Variants in PHLPP1 observed in about 807,000 individuals in gnomAD.
PHLPP1 encodes PH domain leucine-rich repeat-containing protein phosphatase 1.
A neutral mutation model predicts 117.2 loss-of-function variants in PHLPP1; 42 were observed. That is an observed-to-expected ratio of 0.36 (90% CI 0.28 to 0.46). The LOEUF is 0.46. Among genes scored for constraint, PHLPP1 ranks in the 20% least tolerant of loss-of-function variants. PHLPP1 has a pLI of 1.00. For missense variants in PHLPP1, 2,084 were observed against 2,241.9 expected (o/e 0.93, Z 1.42); for synonymous variants, 1,042 against 970.7 (o/e 1.07, Z -1.37).
At chr18:62,888,184 A>C (rs533181255) in intron 4 of PHLPP1, among the ~76,000 whole-genome samples, 1 of 152,128 alleles carries the variant, frequency 6.6e-6, no homozygotes, top group Non-Finnish European at 1.5e-5. Flanking sequence ...TCTTCCACTT[A>C]TCTATGTTGA....
At chr18:62,973,527 C>G (rs1273881744) in intron 15 of PHLPP1, among the ~76,000 whole-genome samples, 1 of 152,206 alleles carries the variant, frequency 6.6e-6, no homozygotes, top group Non-Finnish European at 1.5e-5. Flanking sequence ...TCTGCTCTTT[C>G]TCTCCCTTGA....
intron 3 of PHLPP1, chr18:62,839,814 T>G (rs1490512790): frequency 2.7e-5 from 4 of 147,628 alleles, no homozygotes; most frequent in Non-Finnish European, 5.9e-5. Context: ...AGTGCTTTTG[T>G]GTTTAATGTA....
chr18:62,715,690 C>CCCG lies in PHLPP1; in HGVS notation c.15_17dup (p.Ala7dup), dbSNP rs1252807054. ...AACGCGAAGCCCCACTGCAATGGAG[C>CCCG]CCGCCGCCGCGGCCACGGTACAGCG... On this transcript the variant is annotated inframe_insertion, in exon 1 of 17. Transcript: ENST00000262719. The CCCG allele has an allele frequency of 2.3e-6, 3 of 1,291,148 alleles. No homozygotes were observed. In the East Asian group the frequency reaches 9.4e-5, roughly 40 times the overall value. 80.0% of individuals were successfully genotyped at this position (1,291,148 alleles called of 1,614,324 possible).
At chr18:62,964,651 A>G (rs1007035960) in intron 14 of PHLPP1, among the ~76,000 whole-genome samples, 13 of 152,156 alleles carry the variant, frequency 8.5e-5, no homozygotes, top group African/African-American at 3.1e-4. Flanking sequence ...ATTTCCATGG[A>G]CTTTGCACAG....
intron 10 of PHLPP1, among the ~76,000 whole-genome samples, chr18:62,923,647 C>T (rs999711856): frequency 6.6e-6 from 1 of 152,076 alleles, no homozygotes; most frequent in Non-Finnish European, 1.5e-5. Context: ...AGCCTCTTTG[C>T]ACAACCTCAA....
chr18:62,768,826 G>T (rs746050857), intron 1 of PHLPP1, among the ~76,000 whole-genome samples: 7 of 152,006 alleles, frequency 4.6e-5, no homozygotes, highest in Non-Finnish European at 8.8e-5. Flanking sequence ...CCGGAAACTG[G>T]GTTTTATTAG....
chr18:62,766,100 TATAA>T (rs1237936957), intron 1 of PHLPP1, among the ~76,000 whole-genome samples: 19 of 81,622 alleles, frequency 2.3e-4, no homozygotes, highest in Non-Finnish European at 3.7e-4. Context: ...TATATATATA[TATAA>T]AATATATATA....
chr18:62,858,469 G>T (rs1915553940), intron 3 of PHLPP1, among the ~76,000 whole-genome samples: 1 of 152,034 alleles, frequency 6.6e-6, no homozygotes, highest in Admixed American at 6.6e-5. Context: ...CACCATATTG[G>T]CCAGGCTGGT....
At chr18:62,846,994 A>G (rs1007779354) in intron 3 of PHLPP1, among the ~76,000 whole-genome samples, 3 of 152,180 alleles carry the variant, frequency 2.0e-5, no homozygotes, top group Admixed American at 6.5e-5. Flanking sequence ...TTTCACTTCA[A>G]TTCTAAAGTT....
At chr18:62,819,196 G>A (rs1914375016) in intron 1 of PHLPP1, among the ~76,000 whole-genome samples, 1 of 152,142 alleles carries the variant, frequency 6.6e-6, no homozygotes. Flanking sequence ...AAATGGCAGT[G>A]TATTATTCTA....
chr18:62,899,011 G>A (rs1916647016), intron 6 of PHLPP1, among the ~76,000 whole-genome samples: 1 of 151,984 alleles, frequency 6.6e-6, no homozygotes, highest in Admixed American at 6.6e-5. Context: ...TGTTGGCCAG[G>A]TTGGTCTCAA....
intron 1 of PHLPP1, among the ~76,000 whole-genome samples, chr18:62,799,979 T>C (rs965078077): frequency 2.0e-5 from 3 of 152,280 alleles, no homozygotes; most frequent in Admixed American, 2.0e-4. Flanking sequence ...CCTGAAATTA[T>C]CAACTGCTGG....
chr18:62,956,158 C>T (rs569013862), intron 12 of PHLPP1, among the ~76,000 whole-genome samples: 1 of 152,338 alleles, frequency 6.6e-6, no homozygotes, highest in African/African-American at 2.4e-5. Flanking sequence ...GGCATTCAGG[C>T]TGCTATAACA....
chr18:62,963,258 G>GGTAA lies in PHLPP1; in HGVS notation c.3456-106_3456-103dup, dbSNP rs1910816133. On this transcript the variant is annotated intron_variant, in intron 13 of 16. Coordinates refer to ENST00000262719, the MANE Select transcript of PHLPP1 (RefSeq NM_194449.4). ...AGACACATTAAACGCAGTAAGAAAT[G>GGTAA]GTAAGTACAGAGTGTTTAACAGGTG... 2.1e-5 allele frequency: 14 copies of GGTAA among 666,734 alleles called. No homozygotes were observed. In the South Asian group the frequency reaches 2.4e-4, roughly 12 times the overall value. 41.3% of individuals were successfully genotyped at this position (666,734 alleles called of 1,614,324 possible). A position where few individuals can be genotyped will look rare whatever the true frequency, so the allele number is the denominator to read the frequency against.
At chr18:62,853,824 G>A (rs981702773) in intron 3 of PHLPP1, among the ~76,000 whole-genome samples, 20 of 152,244 alleles carry the variant, frequency 1.3e-4, no homozygotes, top group African/African-American at 2.9e-4. Context: ...GGCTTACATC[G>A]TAGTCTTTTT....
intron 4 of PHLPP1, among the ~76,000 whole-genome samples, chr18:62,884,733 T>G (rs1480656443): frequency 6.6e-6 from 1 of 152,254 alleles, no homozygotes; most frequent in Non-Finnish European, 1.5e-5. Context: ...TCTTTTTAAT[T>G]GACCCATTTG....
At chr18:62,736,098 C>A (rs1280292604) in intron 1 of PHLPP1, among the ~76,000 whole-genome samples, 1 of 152,152 alleles carries the variant, frequency 6.6e-6, no homozygotes, top group Non-Finnish European at 1.5e-5. Flanking sequence ...TAGTTTCTTA[C>A]CTAGCATAGA....
At chr18:62,931,083 G>C (rs757795275) in intron 10 of PHLPP1, among the ~76,000 whole-genome samples, 4 of 151,948 alleles carry the variant, frequency 2.6e-5, no homozygotes, top group Non-Finnish European at 4.4e-5. Flanking sequence ...TGTAGTCCTA[G>C]CTACTTGGGA....
At chr18:62,826,663 G>A (rs940066509) in intron 1 of PHLPP1, among the ~76,000 whole-genome samples, 1 of 152,184 alleles carries the variant, frequency 6.6e-6, no homozygotes, top group African/African-American at 2.4e-5. Flanking sequence ...TGTGAAATAA[G>A]AACTGTCATT....
Sources: gnomAD v4.1 joint callset for allele counts (sites outside exome capture counted in the v4.1 genomes callset) on GRCh38, gnomAD v4.1.1 for gene constraint, MANE v1.5 for transcripts, NCBI Gene and HGNC (gene_info 2026-07-23, HGNC 2026-07-21) for gene names.